The following NUP210L variants were observed in gnomAD, a reference collection of about 807,000 sequenced individuals.
NUP210L encodes the protein nucleoporin 210 like.
Under a neutral mutation model 208.5 loss-of-function variants are expected in NUP210L, and 74 were observed. The observed-to-expected ratio is 0.35, with a 90% CI of 0.29 to 0.43. The LOEUF is 0.43. Ranked by LOEUF, NUP210L falls within the 20% of genes least tolerant of loss-of-function variation. NUP210L has a pLI of 1.00. For missense variants in NUP210L, 1,843 were observed against 2,289.4 expected (o/e 0.81, Z 3.98); for synonymous variants, 780 against 816.9 (o/e 0.95, Z 0.77).
chr1:153,995,268 C>CA (rs905499412), intron 37 of NUP210L, 88 bp from the exon 38 acceptor site: 28 of 916,542 alleles, frequency 3.1e-5, no homozygotes, highest in Non-Finnish European at 4.5e-5. Context: ...TTTTTTGAGA[C>CA]AGAGTTTTAC....
In NUP210L at chr1:154,073,934, T is replaced by C. The variant is rs539493339; in HGVS notation, c.2362-3469A>G. On this transcript the variant is annotated intron_variant, in intron 16 of 39. Transcript: ENST00000368559. ...CTCTTGACAACTCTGAATAGTGATA[T>C]CATATTGGTAACCTGAAATCGGCCA... Among the ~76,000 whole-genome samples the C allele has an allele frequency of 9.2e-5, 14 of 152,174 alleles. No individual in the cohort carries two copies. The South Asian group carries it at 2.5e-3, about 27-fold the overall frequency.
chr1:154,088,047 AGG>A (rs1655716445), intron 16 of NUP210L, among the ~76,000 whole-genome samples: 1 of 152,172 alleles, frequency 6.6e-6, no homozygotes, highest in African/African-American at 2.4e-5. Context: ...ACACTTTAAA[AGG>A]GTGATCTGCT....
At position 154,029,839 on chromosome 1, in the gene NUP210L, G is replaced by C. The variant is rs552390119; in HGVS notation, c.3855+57C>G. The stretch of plus-strand genomic sequence containing the variant: ...ACTAAGCTCTTTGTTGATGGTAAGA[G>C]AATATAACTTTCTTATCCTTAATAT... On this transcript the variant is annotated intron_variant, in intron 28 of 39. Coordinates refer to ENST00000368559, the Ensembl canonical transcript of NUP210L. 1.0e-4 allele frequency: 143 copies of C among 1,367,708 alleles called. 4 individuals carry two copies. The South Asian group carries it at 1.6e-3, about 15-fold the overall frequency. The allele number at this position is 1,367,708 out of a possible 1,614,324, so 84.7% of individuals were successfully genotyped here.
intron 1 of NUP210L, among the ~76,000 whole-genome samples, 176 bp downstream of exon 1, chr1:154,154,663 GCCA>G (rs996235353): frequency 3.3e-5 from 5 of 152,026 alleles, no homozygotes; most frequent in Admixed American, 1.3e-4. Flanking sequence ...AGTAGGACAC[GCCA>G]CACCCAAGGG....
chr1:154,091,069 CTGT>C (rs1553234157), intron 15 of NUP210L, among the ~76,000 whole-genome samples: 1 of 97,084 alleles, frequency 1.0e-5, no homozygotes, highest in African/African-American at 4.1e-5. Flanking sequence ...ATTATTATTG[CTGT>C]TATTATTATT....
chr1:154,015,722 AACACACACACACAC>A (rs372823301), intron 33 of NUP210L, among the ~76,000 whole-genome samples: 1 of 144,362 alleles, frequency 6.9e-6, no homozygotes, highest in African/African-American at 2.6e-5. Flanking sequence ...TCTGTCTCAA[AACACACACACACAC>A]ACACACACAC....
At chr1:154,012,787 TG>T (rs1651004376) in intron 33 of NUP210L, among the ~76,000 whole-genome samples, 1 of 151,098 alleles carries the variant, frequency 6.6e-6, no homozygotes, top group African/African-American at 2.4e-5. Flanking sequence ...GCGGCTCACC[TG>T]GGGTCAGGAG....
intron 1 of NUP210L, among the ~76,000 whole-genome samples, chr1:154,153,669 C>T (rs1418331577): frequency 6.6e-6 from 1 of 152,098 alleles, no homozygotes; most frequent in African/African-American, 2.4e-5. Flanking sequence ...TGGTCTCAAA[C>T]TCCTGGCCTC....
rs555860704 is a variant in NUP210L, at chr1:154,006,521, C to T, written c.4930+3451G>A. Among the ~76,000 whole-genome samples the T allele has an allele frequency of 7.3e-4, 111 of 151,744 alleles. 1 individual carries two copies. Among genetic ancestry groups the T allele is most frequent in the Non-Finnish European group, 1.2e-3 (84 of 67,968 alleles). On this transcript the variant is annotated intron_variant, in intron 35 of 39. Coordinates refer to ENST00000368559, the Ensembl canonical transcript of NUP210L. Reference sequence around the variant, plus strand: ...TTTATTTATTTCTCTGAGATGGAGTCTCACTCTTACCGCCCAGGCTGGAGT... The same window carrying T: ...TTTATTTATTTCTCTGAGATGGAGTTTCACTCTTACCGCCCAGGCTGGAGT...
intron 10 of NUP210L, among the ~76,000 whole-genome samples, chr1:154,119,085 G>C (rs1447416994): frequency 6.6e-6 from 1 of 151,972 alleles, no homozygotes; most frequent in Non-Finnish European, 1.5e-5. Context: ...TGAAATAAAA[G>C]AGGTTTTTTA....
chr1:154,125,817 G>C (rs1266738881), intron 10 of NUP210L, among the ~76,000 whole-genome samples: 2 of 123,690 alleles, frequency 1.6e-5, no homozygotes, highest in African/African-American at 5.6e-5. Context: ...GCCCAGGCTG[G>C]AGCGCAGTGG....
chr1:154,124,912 C>A (rs1657805395), intron 10 of NUP210L, among the ~76,000 whole-genome samples: 1 of 152,056 alleles, frequency 6.6e-6, no homozygotes, highest in African/African-American at 2.4e-5. Context: ...ATGATGATGC[C>A]ATTGCACTCC....
intron 6 of NUP210L, among the ~76,000 whole-genome samples, chr1:154,136,543 C>T (rs1021979889): frequency 6.6e-5 from 10 of 151,852 alleles, no homozygotes; most frequent in African/African-American, 2.4e-4. Context: ...TTCTTAAAAA[C>T]TAGTGAACTG....
chr1:154,090,357 T>C (rs2148046448), intron 15 of NUP210L, among the ~76,000 whole-genome samples: 1 of 152,222 alleles, frequency 6.6e-6, no homozygotes, highest in East Asian at 1.9e-4. Context: ...TAACGGAATG[T>C]GGAAACAAAA....
At chr1:154,025,194 C>T (rs938823051) in intron 30 of NUP210L, among the ~76,000 whole-genome samples, 3 of 152,020 alleles carry the variant, frequency 2.0e-5, no homozygotes, top group African/African-American at 7.2e-5. Flanking sequence ...TCCCAAAGTG[C>T]TGGGATTACA....
intron 10 of NUP210L, among the ~76,000 whole-genome samples, chr1:154,120,602 T>A (rs1455973127): frequency 6.8e-6 from 1 of 146,828 alleles, no homozygotes; most frequent in Non-Finnish European, 1.5e-5. Context: ...ATTGTGCACA[T>A]GTACCCTAGA....
intron 33 of NUP210L, among the ~76,000 whole-genome samples, chr1:154,013,819 C>G (rs1651096920): frequency 6.6e-6 from 1 of 152,120 alleles, no homozygotes; most frequent in Non-Finnish European, 1.5e-5. Context: ...GGCTACAGTG[C>G]ACTGGCGCAA....
intron 27 of NUP210L, among the ~76,000 whole-genome samples, chr1:154,041,891 A>G (rs549865148): frequency 6.6e-6 from 1 of 152,286 alleles, no homozygotes; most frequent in Non-Finnish European, 1.5e-5. Context: ...ACAAAGTCCC[A>G]TGTTCCAAAA....
chr1:154,002,520 C>G (rs1650277928), intron 35 of NUP210L, among the ~76,000 whole-genome samples: 1 of 152,058 alleles, frequency 6.6e-6, no homozygotes, highest in African/African-American at 2.4e-5. Flanking sequence ...GTAATCCCAG[C>G]TACTTGGGAG....
Sources: allele counts gnomAD v4.1 joint callset (sites outside exome capture counted in the v4.1 genomes callset), GRCh38; gene constraint gnomAD v4.1.1; transcripts MANE v1.5; gene names NCBI Gene and HGNC (gene_info 2026-07-23, HGNC 2026-07-21).